The following MYO1F variants were observed in gnomAD, a reference collection of about 807,000 sequenced individuals.
MYO1F encodes unconventional myosin-If.
In MYO1F, 60 loss-of-function variants were observed where a neutral mutation model predicts 146.6. That is an observed-to-expected ratio of 0.41 (90% CI 0.33 to 0.51). MYO1F has a LOEUF of 0.51. Ranked by LOEUF, MYO1F falls within the 20% of genes least tolerant of loss-of-function variation. MYO1F has a pLI of 0.25. For synonymous variants in MYO1F, 602 were observed against 602.1 expected (o/e 1.00, Z 0.00); for missense variants, 1,274 against 1,534.3 (o/e 0.83, Z 2.83).
chr19:8,561,405 TCTCCTCTC>T (rs1255194550), intron 1 of MYO1F, among the ~76,000 whole-genome samples: 2,370 of 48,704 alleles, frequency 0.049, 35 homozygotes, highest in South Asian at 0.16. Context: ...TTCCTTCCTT[TCTCCTCTC>T]CCTCCCTTCC....
chr19:8,529,613 T>G (rs898568718), intron 21 of MYO1F, among the ~76,000 whole-genome samples: 5 of 151,580 alleles, frequency 3.3e-5, no homozygotes, highest in African/African-American at 1.2e-4. Context: ...AGGTTGAAGG[T>G]AGAGTGTACC....
intron 12 of MYO1F, 30 bp downstream of exon 12, chr19:8,547,996 CACCCCAGGAT>C (rs1599974836): frequency 2.7e-6 from 3 of 1,100,022 alleles, no homozygotes; most frequent in Non-Finnish European, 2.8e-6. Context: ...ACCCCACCCC[CACCCCAGGAT>C]CCCCCATCCC....
rs573460744 is a variant in MYO1F, at chr19:8,524,515, G to T, written c.2854+964C>A. Among the ~76,000 whole-genome samples, 55 of 151,828 alleles carry T rather than the reference G, an allele frequency of 3.6e-4. 1 individual carries two copies. The highest frequency in any genetic ancestry group is 1.3e-3 in the African/African-American group (55 of 41,380). On this transcript the variant is annotated intron_variant, in intron 25 of 27. Coordinates refer to ENST00000644032, the MANE Select transcript of MYO1F (RefSeq NM_012335.4). ...CAGGAGAATCGCTTGAACCCAGGAGGTGGATGTTGCAGTGAGCCAAGATCA... is the reference window on the plus strand; with the variant it reads ...CAGGAGAATCGCTTGAACCCAGGAGTTGGATGTTGCAGTGAGCCAAGATCA...
intron 16 of MYO1F, among the ~76,000 whole-genome samples, chr19:8,538,333 C>A (rs1165784731): frequency 6.6e-6 from 1 of 150,504 alleles, no homozygotes; most frequent in Non-Finnish European, 1.5e-5. Context: ...CTTGCTCTGT[C>A]ATCCAGGCTG....
intron 17 of MYO1F, 58 bp from the exon 18 acceptor site, chr19:8,536,655 G>T: frequency 1.1e-6 from 1 of 915,064 alleles, no homozygotes; most frequent in East Asian, 2.7e-5. Flanking sequence ...TCCTGGGGGT[G>T]GGTGGGAGGT....
chr19:8,528,884 G>T (rs116966117), intron 21 of MYO1F, among the ~76,000 whole-genome samples: 1 of 152,118 alleles, frequency 6.6e-6, no homozygotes, highest in East Asian at 1.9e-4. Flanking sequence ...GGCAGGTGAG[G>T]GTGTACCTGG....
chr19:8,567,569 C>T (rs775706661), intron 1 of MYO1F, among the ~76,000 whole-genome samples: 2 of 152,198 alleles, frequency 1.3e-5, no homozygotes, highest in Non-Finnish European at 1.5e-5. Context: ...GTTGGGCACG[C>T]TCATCTCGAA....
chr19:8,532,903 T>TACACAC (rs60799506), intron 19 of MYO1F, among the ~76,000 whole-genome samples: 1,196 of 113,112 alleles, frequency 0.011, 18 homozygotes, highest in Admixed American at 0.014. Context: ...AAAAAAAAAA[T>TACACAC]ACACACACAC....
intron 10 of MYO1F, among the ~76,000 whole-genome samples, chr19:8,549,056 T>G (rs528829058): frequency 3.7e-4 from 56 of 151,862 alleles, no homozygotes; most frequent in Non-Finnish European, 7.5e-4. Context: ...ATTCAAGAGA[T>G]TCTTCTGCCT....
At chr19:8,540,231 G>C in intron 15 of MYO1F, 1 of 515,542 alleles carries the variant, frequency 1.9e-6, no homozygotes, top group Non-Finnish European at 3.4e-6. Context: ...CCAGGTTGGG[G>C]CGCATTGGTG....
intron 15 of MYO1F, 66 bp from the exon 16 acceptor site, chr19:8,540,094 G>C: frequency 1.5e-6 from 2 of 1,340,634 alleles, no homozygotes; most frequent in Non-Finnish European, 1.0e-6. Context: ...CTTCCTCCAG[G>C]GGTGGGGCAG....
Position 8,535,416 on chromosome 19 carries a change from G to T in MYO1F, c.2043+836C>A, listed in dbSNP as rs544954537. The stretch of plus-strand genomic sequence containing the variant: ...ATTTTACTTTATATAGTCTTTGCTG[G>T]TGATAGTTATTTTTCTTTTTTCTTT... On this transcript the variant is annotated intron_variant, in intron 19 of 27. Transcript: ENST00000644032. 2.0e-5 allele frequency among the ~76,000 whole-genome samples: 3 copies of T among 152,020 alleles called. No individual in the cohort carries two copies. The South Asian group carries it at 6.2e-4, about 32-fold the overall frequency.
chr19:8,553,072 T>A, intron 6 of MYO1F, 67 bp downstream of exon 6: 1 of 1,412,982 alleles, frequency 7.1e-7, no homozygotes, highest in South Asian at 1.2e-5. Flanking sequence ...TGTGTATGTG[T>A]GGGTGTGTGT....
intron 1 of MYO1F, among the ~76,000 whole-genome samples, chr19:8,559,330 A>AG (rs1414535977): frequency 2.2e-4 from 5 of 22,812 alleles, no homozygotes; most frequent in South Asian, 2.8e-3. Context: ...AATGTTCTTG[A>AG]GGGGGTGGGG....
chr19:8,530,467 C>T lies in MYO1F; in HGVS notation c.2150G>A (p.Arg717Gln), dbSNP rs756871024. 11 of 1,613,656 alleles carry T rather than the reference C, an allele frequency of 6.8e-6. No individual in the cohort carries two copies. Among genetic ancestry groups the T allele is most frequent in the South Asian group, 2.2e-5 (2 of 91,092 alleles). ...HVAVRKYEEM[R>Q]EEASNILLNK... is the part of the protein sequence containing the mutation. ...TACCCGAAGCCTCTCACCTTCCTCC[C>T]GCATCTCCTCGTACTTCCGGACAGC... is the stretch of plus-strand genomic sequence containing the variant. Residue 717 changes from arginine to glutamine, a missense_variant, in exon 20 of 28, where the codon CGG (arginine) becomes CAG (glutamine). By Grantham distance (43) the Arg-to-Gln change is conservative. Coordinates refer to ENST00000644032, the MANE Select transcript of MYO1F (RefSeq NM_012335.4). The surrounding 1 kb of genome is among the most constrained non-coding windows in gnomAD (Gnocchi z 5.8).
intron 27 of MYO1F, among the ~76,000 whole-genome samples, chr19:8,522,059 A>G (rs1342908593): frequency 5.8e-5 from 8 of 138,882 alleles, no homozygotes; most frequent in Non-Finnish European, 1.1e-4. Flanking sequence ...GTCTCGCTCT[A>G]TCGCCCAGGC....
At chr19:8,553,913 C>CTCTCTCTCTCTT (rs1973728863) in intron 4 of MYO1F, among the ~76,000 whole-genome samples, 1 of 151,138 alleles carries the variant, frequency 6.6e-6, no homozygotes, top group Non-Finnish European at 1.5e-5. Flanking sequence ...CTCTCTCTCT[C>CTCTCTCTCTCTT]TCTCTCTCTC....
intron 1 of MYO1F, among the ~76,000 whole-genome samples, chr19:8,560,125 G>A (rs971115043): frequency 2.0e-5 from 3 of 151,884 alleles, no homozygotes; most frequent in Non-Finnish European, 2.9e-5. Flanking sequence ...TAAGGACACG[G>A]GACTAAAGAT....
intron 4 of MYO1F, among the ~76,000 whole-genome samples, chr19:8,553,868 T>TCTCACA (rs780705515): frequency 2.9e-4 from 35 of 121,586 alleles, no homozygotes; most frequent in African/African-American, 1.1e-3. Context: ...TGAGACTCTG[T>TCTCACA]CACACACACA....
Sources: allele counts gnomAD v4.1 joint callset (sites outside exome capture counted in the v4.1 genomes callset), GRCh38; gene constraint gnomAD v4.1.1; non-coding constraint Gnocchi (gnomAD v3.1); transcripts MANE v1.5; gene names NCBI Gene and HGNC (gene_info 2026-07-23, HGNC 2026-07-21).